AGBL3: variants seen among roughly 807,000 people sequenced by gnomAD.
AGBL3 encodes cytosolic carboxypeptidase 3.
AGBL3 carries 68 observed loss-of-function variants against 94.5 expected under a neutral mutation model. That is an observed-to-expected ratio of 0.72 (90% CI 0.59 to 0.88). The LOEUF (loss-of-function observed/expected upper bound fraction) is 0.88, where lower values mean the gene tolerates loss of function less well. Among genes scored for constraint, AGBL3 ranks in the 40% least tolerant of loss-of-function variants. AGBL3 has a pLI of 0.00. For missense variants in AGBL3, 934 were observed against 1,103.8 expected, an observed-to-expected ratio of 0.85 and a Z score of 2.18; for synonymous variants, 354 against 370.7, an observed-to-expected ratio of 0.95 and a Z score of 0.52.
chr7:135,087,923 C>T (rs955487921), intron 15 of AGBL3, among the ~76,000 whole-genome samples: 3 of 151,922 alleles, frequency 2.0e-5, no homozygotes, highest in African/African-American at 7.2e-5. Flanking sequence ...GTGTTAAAGT[C>T]CTCTTTGATA....
At chr7:135,066,223 T>C (rs1819285502) in intron 12 of AGBL3, among the ~76,000 whole-genome samples, 1 of 152,168 alleles carries the variant, frequency 6.6e-6, no homozygotes, top group Non-Finnish European at 1.5e-5. Flanking sequence ...TTGCAAATCA[T>C]ATATCTGAAC....
chr7:135,101,726 G>A (rs1823855224), intron 15 of AGBL3, among the ~76,000 whole-genome samples: 1 of 152,100 alleles, frequency 6.6e-6, no homozygotes, highest in Admixed American at 6.6e-5. Context: ...TTTCTATACT[G>A]AAGTGCCCAA....
chr7:135,111,055 A>G (rs1825567410), intron 15 of AGBL3, among the ~76,000 whole-genome samples: 1 of 152,138 alleles, frequency 6.6e-6, no homozygotes. Flanking sequence ...TCTCCTACCT[A>G]ACATCTCCCC....
chr7:135,092,727 T>A (rs977282618), intron 15 of AGBL3: 2 of 152,066 alleles, frequency 1.3e-5, no homozygotes, highest in African/African-American at 4.8e-5. Context: ...GCCAAATAAA[T>A]TGAACTTTTT....
intron 12 of AGBL3, among the ~76,000 whole-genome samples, chr7:135,072,080 A>G (rs1819966446): frequency 6.6e-6 from 1 of 152,088 alleles, no homozygotes; most frequent in East Asian, 1.9e-4. Context: ...AAAACAAACA[A>G]CCCCATCAAA....
chr7:135,112,836 G>T (rs1321873203), intron 15 of AGBL3, among the ~76,000 whole-genome samples: 1 of 152,188 alleles, frequency 6.6e-6, no homozygotes, highest in Non-Finnish European at 1.5e-5. Flanking sequence ...GGAGTGCAGT[G>T]ATGCGATCTT....
At chr7:135,095,407 A>T (rs1266396673) in intron 15 of AGBL3, among the ~76,000 whole-genome samples, 2 of 152,232 alleles carry the variant, frequency 1.3e-5, no homozygotes, top group East Asian at 3.8e-4. Flanking sequence ...CCTAAAGACA[A>T]CAGGAGAGAC....
chr7:135,026,156 T>C lies in AGBL3; in HGVS notation c.419-6688T>C, dbSNP rs1456664239. On this transcript the variant is annotated intron_variant, in intron 5 of 16. Transcript: ENST00000436302. ...CTAAGATCAACCACATGCTTTGTCA[T>C]AAAGCAAGACTCAATAAATTAAAAA... Among the ~76,000 whole-genome samples the C allele has an allele frequency of 3.3e-5, 5 of 151,342 alleles. No individual in the cohort carries two copies. The South Asian group carries it at 6.5e-4, about 20-fold the overall frequency.
chr7:135,111,407 C>T (rs895788090), intron 15 of AGBL3, among the ~76,000 whole-genome samples: 1 of 152,180 alleles, frequency 6.6e-6, no homozygotes, highest in Admixed American at 6.5e-5. Flanking sequence ...CAAAGCCATA[C>T]TAACTTCTCT....
At chr7:135,030,852 C>T (rs1027784814) in intron 5 of AGBL3, among the ~76,000 whole-genome samples, 2 of 151,868 alleles carry the variant, frequency 1.3e-5, no homozygotes, top group African/African-American at 4.8e-5. Flanking sequence ...TTAAAATTTT[C>T]AATTATAAAT....
intron 15 of AGBL3, among the ~76,000 whole-genome samples, chr7:135,090,863 C>A (rs770229003): frequency 6.6e-6 from 1 of 152,120 alleles, no homozygotes; most frequent in Non-Finnish European, 1.5e-5. Flanking sequence ...TCCATAGCAG[C>A]CTAGTCTCAG....
intron 4 of AGBL3, chr7:135,011,433 T>G (rs879207629): frequency 6.6e-6 from 1 of 151,990 alleles, no homozygotes; most frequent in Non-Finnish European, 1.5e-5. Context: ...ACGATACAAT[T>G]AAAAACCTCA....
intron 15 of AGBL3, among the ~76,000 whole-genome samples, chr7:135,087,447 T>A (rs1348815969): frequency 4.6e-5 from 7 of 152,068 alleles, no homozygotes; most frequent in Non-Finnish European, 1.0e-4. Flanking sequence ...ATCTTTCTAC[T>A]TTTTGGATAT....
intron 5 of AGBL3, among the ~76,000 whole-genome samples, chr7:135,023,608 C>T (rs1814753903): frequency 6.6e-6 from 1 of 152,194 alleles, no homozygotes; most frequent in African/African-American, 2.4e-5. Flanking sequence ...AAGCAGAACA[C>T]AGCCATAGGT....
chr7:135,080,539 G>T (rs1353547666), intron 14 of AGBL3, among the ~76,000 whole-genome samples: 2 of 152,144 alleles, frequency 1.3e-5, no homozygotes, highest in African/African-American at 4.8e-5. Flanking sequence ...AGAGGTCCAC[G>T]TATTTCAGGG....
chr7:135,061,435 T>G (rs942257702), intron 12 of AGBL3, among the ~76,000 whole-genome samples: 1 of 152,126 alleles, frequency 6.6e-6, no homozygotes, highest in Non-Finnish European at 1.5e-5. Flanking sequence ...GCCTGTGTTT[T>G]CAAGTTCATA....
chr7:134,993,611 T>C lies in AGBL3; in HGVS notation c.243T>C (p.Ser81=), dbSNP rs1810589112. The C allele has an allele frequency of 6.4e-7, 1 of 1,552,204 alleles. No individual in the cohort carries two copies. Among genetic ancestry groups the C allele is most frequent in the African/African-American group, 1.4e-5 (1 of 73,168 alleles). The change falls in exon 4 of 17, where the codon TCT becomes TCC. Residue 81 remains serine, a synonymous_variant. Coordinates refer to ENST00000436302, the MANE Select transcript of AGBL3 (RefSeq NM_178563.4). ...EPRDLYGVSS[S]GPLSPTRWPY... ...GGGATTTATATGGTGTCTCTTCTTC[T>C]GGTCCATTGAGCCCAACACGGTGGC...
chr7:135,098,873 A>C (rs1647389305), intron 15 of AGBL3, among the ~76,000 whole-genome samples: 1 of 152,230 alleles, frequency 6.6e-6, no homozygotes, highest in African/African-American at 2.4e-5. Flanking sequence ...TAACCTAAGA[A>C]TATACAATAA....
chr7:134,987,892 AC>A lies in AGBL3; in HGVS notation c.-39del. The A allele has an allele frequency of 1.4e-6, 2 of 1,439,982 alleles. No homozygotes were observed. The highest frequency in any genetic ancestry group is 1.9e-6 in the Non-Finnish European group (2 of 1,053,028). 89.2% of individuals were successfully genotyped at this position (1,439,982 alleles called of 1,614,324 possible). On this transcript the variant is annotated 5_prime_UTR_variant, in exon 2 of 17. Coordinates refer to ENST00000436302, the MANE Select transcript of AGBL3 (RefSeq NM_178563.4). ...TTCCTTAGAAATTGTTTTACAGCCT[AC>A]CCGTATATTACAAGAAATCTCAAGT...
Sources: gnomAD v4.1 joint callset for allele counts (sites outside exome capture counted in the v4.1 genomes callset) on GRCh38, gnomAD v4.1.1 for gene constraint, MANE v1.5 for transcripts, NCBI Gene and HGNC (gene_info 2026-07-23, HGNC 2026-07-21) for gene names.